The following ASIC2 variants were observed in gnomAD, a reference collection of about 807,000 sequenced individuals.
ASIC2 encodes acid-sensing ion channel 2.
A neutral mutation model predicts 57.3 loss-of-function variants in ASIC2; 25 were observed. The ratio of observed to expected loss-of-function variants is 0.44; its 90% CI spans 0.32 to 0.61. The LOEUF is 0.61. Ranked by LOEUF, ASIC2 falls within the 20% of genes least tolerant of loss-of-function variation. The pLI is 0.06. For missense variants in ASIC2, 641 were observed against 738.1 expected (o/e 0.87, Z 1.52); for synonymous variants, 319 against 307.5 (o/e 1.04, Z -0.39).
chr17:33,952,562 G>C (rs927013623), intron 1 of ASIC2, among the ~76,000 whole-genome samples: 1 of 152,064 alleles, frequency 6.6e-6, no homozygotes, highest in Non-Finnish European at 1.5e-5. Flanking sequence ...AAGATGCCTG[G>C]GTCCTTGATG....
intron 1 of ASIC2, among the ~76,000 whole-genome samples, chr17:33,438,166 T>C (rs1365123329): frequency 2.6e-5 from 4 of 152,188 alleles, no homozygotes; most frequent in African/African-American, 9.6e-5. Context: ...ATGCAAAATT[T>C]CAGGGTAATT....
At chr17:34,090,264 T>G (rs1048701461) in intron 1 of ASIC2, among the ~76,000 whole-genome samples, 1 of 152,232 alleles carries the variant, frequency 6.6e-6, no homozygotes, top group African/African-American at 2.4e-5. Context: ...GCCAAACATG[T>G]GCCCACACAT....
chr17:33,543,997 C>A (rs1915502466), intron 1 of ASIC2, among the ~76,000 whole-genome samples: 1 of 152,210 alleles, frequency 6.6e-6, no homozygotes, highest in Admixed American at 6.5e-5. Flanking sequence ...TTCCCTAACC[C>A]AGGAATTCCC....
chr17:33,239,222 C>T (rs1274406120), intron 1 of ASIC2, among the ~76,000 whole-genome samples: 3 of 152,014 alleles, frequency 2.0e-5, no homozygotes, highest in African/African-American at 4.8e-5. Context: ...ACCCGGGAGG[C>T]GGAGGTTGCA....
chr17:33,248,841 T>C (rs987364628), intron 1 of ASIC2, among the ~76,000 whole-genome samples: 1 of 152,242 alleles, frequency 6.6e-6, no homozygotes, highest in Non-Finnish European at 1.5e-5. Flanking sequence ...TTTGTCCATC[T>C]CAAGTTCCTT....
At chr17:33,047,401 C>CCAT (rs2091959949) in intron 3 of ASIC2, among the ~76,000 whole-genome samples, 1 of 152,012 alleles carries the variant, frequency 6.6e-6, no homozygotes, top group Non-Finnish European at 1.5e-5. Context: ...TGCAGCAGCA[C>CCAT]CATCATAGCT....
intron 1 of ASIC2, among the ~76,000 whole-genome samples, chr17:33,428,726 C>T (rs888846998): frequency 6.6e-5 from 10 of 152,144 alleles, no homozygotes; most frequent in African/African-American, 1.2e-4. Context: ...GCAGGTGTGC[C>T]GGATGCCCAC....
intron 1 of ASIC2, among the ~76,000 whole-genome samples, chr17:34,049,627 A>G (rs1908472114): frequency 6.6e-6 from 1 of 152,132 alleles, no homozygotes; most frequent in Admixed American, 6.5e-5. Context: ...ATGGTCATGC[A>G]CTTCTAAACT....
chr17:33,423,503 G>A (rs187817448), intron 1 of ASIC2, among the ~76,000 whole-genome samples: 9 of 152,328 alleles, frequency 5.9e-5, no homozygotes, highest in Non-Finnish European at 1.2e-4. Flanking sequence ...AGTCCATGGA[G>A]CTTTTTGTGA....
rs1906798373 is a variant in ASIC2, at chr17:33,200,096, G to GGAAAGCTGA, written c.709-88030_709-88029insTCAGCTTTC. Among the ~76,000 whole-genome samples the GGAAAGCTGA allele has an allele frequency of 1.3e-5, 2 of 152,030 alleles. 1 individual carries two copies. Among genetic ancestry groups the GGAAAGCTGA allele is most frequent in the Admixed American group, 1.3e-4 (2 of 15,270 alleles). On this transcript the variant is annotated intron_variant, in intron 1 of 9. Coordinates refer to ENST00000225823, the MANE Select transcript of ASIC2 (RefSeq NM_183377.2). ...CCTGAATAGCTCCTTTTACCCTTAG[G>GGAAAGCTGA]GGAAGCTGAGGGGTCCTCTCTAGAA...
intron 1 of ASIC2, among the ~76,000 whole-genome samples, chr17:33,438,146 G>A (rs144716272): frequency 1.8e-4 from 27 of 152,244 alleles, no homozygotes; most frequent in African/African-American, 4.1e-4. Context: ...CTACTTTAAC[G>A]ATACCCAATA....
chr17:33,678,435 CCACACACACACACACACA>C (rs71144896), intron 1 of ASIC2, among the ~76,000 whole-genome samples: 2 of 139,602 alleles, frequency 1.4e-5, no homozygotes, highest in Admixed American at 7.3e-5. Context: ...CTGGTTCAAT[CCACACACACACACACACA>C]CACACACACA....
chr17:33,540,185 T>A (rs927880154), intron 1 of ASIC2, among the ~76,000 whole-genome samples: 1 of 152,164 alleles, frequency 6.6e-6, no homozygotes, highest in African/African-American at 2.4e-5. Flanking sequence ...CTCCAGGTGT[T>A]CCTTGGGTTG....
At chr17:33,497,419 C>CT (rs138041995) in intron 1 of ASIC2, among the ~76,000 whole-genome samples, 5,208 of 151,800 alleles carry the variant, frequency 0.034, 270 homozygotes, top group African/African-American at 0.12. Flanking sequence ...CTTGATGCAA[C>CT]TTTTTTTTTC....
intron 1 of ASIC2, among the ~76,000 whole-genome samples, chr17:33,964,900 C>T (rs1308259599): frequency 2.6e-5 from 4 of 152,152 alleles, no homozygotes; most frequent in South Asian, 4.1e-4. Flanking sequence ...ACCTCAGTTT[C>T]GCTTCCAGCC....
At chr17:33,019,947 G>C (rs1219969469) in intron 7 of ASIC2, among the ~76,000 whole-genome samples, 1 of 152,074 alleles carries the variant, frequency 6.6e-6, no homozygotes, top group African/African-American at 2.4e-5. Context: ...GCCTGTCCTG[G>C]GTCCTCTTTA....
chr17:33,732,870 T>G (rs1909790946), intron 1 of ASIC2, among the ~76,000 whole-genome samples: 2 of 152,170 alleles, frequency 1.3e-5, no homozygotes, highest in South Asian at 4.1e-4. Context: ...ACTCCTGACC[T>G]CAAGTGATCC....
intron 1 of ASIC2, among the ~76,000 whole-genome samples, chr17:33,813,530 G>T (rs1912487283): frequency 6.6e-6 from 1 of 152,158 alleles, no homozygotes; most frequent in Non-Finnish European, 1.5e-5. Flanking sequence ...TCCACCTCCT[G>T]GGTTCACGCC....
chr17:33,740,284 G>C (rs1418222620), intron 1 of ASIC2, among the ~76,000 whole-genome samples: 1 of 152,250 alleles, frequency 6.6e-6, no homozygotes, highest in African/African-American at 2.4e-5. Context: ...ATAAAGGACT[G>C]CCAGAAACTG....
Sources: gnomAD v4.1 joint callset for allele counts (sites outside exome capture counted in the v4.1 genomes callset) on GRCh38, gnomAD v4.1.1 for gene constraint, MANE v1.5 for transcripts, NCBI Gene and HGNC (gene_info 2026-07-23, HGNC 2026-07-21) for gene names.